The following PLCG2 variants were observed in gnomAD, a reference collection of about 807,000 sequenced individuals.
PLCG2 encodes phospholipase C gamma 2.
In PLCG2, 69 loss-of-function variants were observed where a neutral mutation model predicts 175.6. The observed-to-expected ratio is 0.39, with a 90% CI of 0.32 to 0.48. The LOEUF is 0.48. PLCG2 is among the 20% of genes least tolerant of loss of function. The pLI is 0.91. For synonymous variants in PLCG2, 827 were observed against 624.0 expected (o/e 1.33, Z -4.85); for missense variants, 1,798 against 1,650.9 (o/e 1.09, Z -1.54).
In PLCG2 at chr16:81,742,164, G is replaced by T. The variant is rs1032507211; in HGVS notation, c.-145+2779G>T. Among the ~76,000 whole-genome samples the T allele has an allele frequency of 8.5e-5, 11 of 129,654 alleles. 1 individual carries two copies. The highest frequency in any genetic ancestry group is 1.7e-4 in the African/African-American group (6 of 35,402). The allele number at this position is 129,654 out of a possible 152,430, so 85.1% of individuals were successfully genotyped here. A position where few individuals can be genotyped will look rare whatever the true frequency, so the allele number is the denominator to read the frequency against. On this transcript the variant is annotated intron_variant, in intron 1 of 5. Coordinates refer to the PLCG2 transcript ENST00000565054. ...TTACCATTGTGGGGGCGGGGGGGGGGGCGGTGTTGGCTAAAATTGAAAAGG... is the reference window on the plus strand; with the variant it reads ...TTACCATTGTGGGGGCGGGGGGGGGTGCGGTGTTGGCTAAAATTGAAAAGG...
intron 2 of PLCG2, among the ~76,000 whole-genome samples, chr16:81,821,319 G>A (rs1307011810): frequency 2.6e-5 from 4 of 152,244 alleles, no homozygotes; most frequent in Non-Finnish European, 4.4e-5. Flanking sequence ...GTTGTCTCTT[G>A]CTGTGTAACA....
At chr16:81,849,771 CAAAAAAAA>C (rs34130863) in intron 2 of PLCG2, among the ~76,000 whole-genome samples, 7 of 83,154 alleles carry the variant, frequency 8.4e-5, no homozygotes, top group African/African-American at 3.7e-4. Flanking sequence ...AACTCTGTCT[CAAAAAAAA>C]AAAAAAAAAA....
intron 2 of PLCG2, among the ~76,000 whole-genome samples, chr16:81,756,725 A>G (rs1909936876): frequency 6.6e-6 from 1 of 152,178 alleles, no homozygotes. Context: ...ACAGATAAGG[A>G]GCTGAGAGCC....
At chr16:81,883,961 C>T (rs990663302) in intron 9 of PLCG2, among the ~76,000 whole-genome samples, 2 of 152,160 alleles carry the variant, frequency 1.3e-5, no homozygotes, top group Admixed American at 1.3e-4. Flanking sequence ...GTGCGTGTCA[C>T]AGCGGGAGGC....
At chr16:81,841,271 G>C (rs942141298) in intron 2 of PLCG2, among the ~76,000 whole-genome samples, 2 of 151,466 alleles carry the variant, frequency 1.3e-5, no homozygotes, top group African/African-American at 4.9e-5. Context: ...GAGTCTCACT[G>C]AGTCGCCTAG....
intron 1 of PLCG2, chr16:81,782,980 C>T: frequency 2.6e-6 from 1 of 387,044 alleles, no homozygotes; most frequent in Non-Finnish European, 5.0e-6. Context: ...TGAGACGCAG[C>T]ATGGAAGTCT....
At chr16:81,855,935 C>T (rs1390580166) in intron 3 of PLCG2, among the ~76,000 whole-genome samples, 1 of 152,158 alleles carries the variant, frequency 6.6e-6, no homozygotes, top group East Asian at 1.9e-4. Flanking sequence ...GGCGGTGAAG[C>T]TTCACACCTC....
intron 1 of PLCG2, among the ~76,000 whole-genome samples, chr16:81,755,341 C>T (rs1033628653): frequency 7.3e-5 from 11 of 151,030 alleles, no homozygotes; most frequent in African/African-American, 2.4e-4. Flanking sequence ...GGGCTACAGG[C>T]ATGCACCACC....
intron 30 of PLCG2, among the ~76,000 whole-genome samples, chr16:81,944,266 C>G (rs1422440773): frequency 6.6e-6 from 1 of 152,132 alleles, no homozygotes; most frequent in Non-Finnish European, 1.5e-5. Context: ...CCCTCTGGAT[C>G]TGTGGACTCA....
chr16:81,831,657 GT>G (rs1440723598), intron 2 of PLCG2, among the ~76,000 whole-genome samples: 2 of 152,184 alleles, frequency 1.3e-5, no homozygotes, highest in South Asian at 2.1e-4. Context: ...GCAGGCATTT[GT>G]ACCCCGAGTG....
chr16:81,883,872 G>C (rs918241705), intron 9 of PLCG2, among the ~76,000 whole-genome samples: 5 of 152,226 alleles, frequency 3.3e-5, no homozygotes, highest in Non-Finnish European at 5.9e-5. Context: ...ACTCAAGGGG[G>C]GGTTGTGTTG....
chr16:81,806,705 G>A (rs142792946), intron 2 of PLCG2, among the ~76,000 whole-genome samples: 48 of 152,232 alleles, frequency 3.2e-4, no homozygotes, highest in South Asian at 2.7e-3. Context: ...GAGGGTCCAG[G>A]TGTGGGGCTG....
chr16:81,869,592 T>A (rs893376370), intron 6 of PLCG2, among the ~76,000 whole-genome samples: 9 of 152,220 alleles, frequency 5.9e-5, no homozygotes, highest in African/African-American at 2.2e-4. Context: ...CTGACCATAC[T>A]GCAGCCCATT....
chr16:81,781,048 A>C (rs190369734), intron 1 of PLCG2, among the ~76,000 whole-genome samples: 16 of 151,702 alleles, frequency 1.1e-4, no homozygotes, highest in East Asian at 2.0e-4. Context: ...CAAACAAACA[A>C]ACACACACAA....
intron 2 of PLCG2, among the ~76,000 whole-genome samples, chr16:81,770,386 G>C (rs1341151922): frequency 2.0e-5 from 3 of 152,222 alleles, no homozygotes; most frequent in Admixed American, 1.3e-4. Flanking sequence ...AAAAGTCAGA[G>C]ACATGTGAAC....
At chr16:81,831,494 C>G (rs574468947) in intron 2 of PLCG2, among the ~76,000 whole-genome samples, 8 of 152,346 alleles carry the variant, frequency 5.3e-5, no homozygotes, top group Non-Finnish European at 7.3e-5. Flanking sequence ...CTGGCCCTCT[C>G]TATTTGTCTC....
chr16:81,907,742 A>G lies in PLCG2; in HGVS notation c.1525A>G (p.Ile509Val), dbSNP rs1255609965. The change falls in exon 16 of 33, where the codon ATT (isoleucine) becomes GTT (valine). Residue 509 changes from isoleucine (I) to valine (V), a missense_variant. Coordinates refer to ENST00000564138, the MANE Select transcript of PLCG2 (RefSeq NM_002661.5). ...TGCCAAGCTGTCCTTCAGTGATGAC[A>G]TTGAACAGACTATGGAGGAGGAAGT... is the stretch of plus-strand genomic sequence containing the variant. ...ADAKLSFSDD[I>V]EQTMEEEVPQ... 3 of 1,613,964 alleles carry G rather than the reference A, an allele frequency of 1.9e-6. No homozygotes were observed. Among genetic ancestry groups the G allele is most frequent in the Non-Finnish European group, 2.5e-6 (3 of 1,179,876 alleles).
intron 32 of PLCG2, 100 bp from the exon 33 acceptor site, chr16:81,957,856 G>A: frequency 9.4e-7 from 1 of 1,061,324 alleles, no homozygotes; most frequent in Non-Finnish European, 1.5e-6. Context: ...ATCCAGCTAT[G>A]AATGACTGGC....
At chr16:81,840,892 C>G (rs992260531) in intron 2 of PLCG2, among the ~76,000 whole-genome samples, 63 of 152,326 alleles carry the variant, frequency 4.1e-4, no homozygotes, top group African/African-American at 1.3e-3. Flanking sequence ...TGAGTATCCT[C>G]AGTTCCTTTT....
Sources: allele counts gnomAD v4.1 joint callset (sites outside exome capture counted in the v4.1 genomes callset), GRCh38; gene constraint gnomAD v4.1.1; transcripts MANE v1.5; gene names NCBI Gene and HGNC (gene_info 2026-07-23, HGNC 2026-07-21).